HMOX1: variants seen among roughly 807,000 people sequenced by gnomAD.
The protein encoded by HMOX1 is heme oxygenase 1.
HMOX1 carries 22 observed loss-of-function variants against 27.8 expected under a neutral mutation model. The ratio of observed to expected loss-of-function variants is 0.79; its 90% CI spans 0.57 to 1.13. The LOEUF (loss-of-function observed/expected upper bound fraction) is 1.13. Among genes scored for constraint, HMOX1 ranks in the 50% most tolerant of loss-of-function variants. The probability of loss-of-function intolerance (pLI) is 0.00; values close to 1 mark genes in which losing one functional copy is unlikely to be tolerated. For synonymous variants in HMOX1, 153 were observed against 151.6 expected (o/e 1.01, Z -0.07); for missense variants, 379 against 377.7 (o/e 1.00, Z -0.03).
chr22:35,387,092 C>T lies in HMOX1; in HGVS notation c.552C>T (p.Ser184=), dbSNP rs78573711. 98 of 1,613,672 alleles carry T rather than the reference C, an allele frequency of 6.1e-5. No individual in the cohort carries two copies. The African/African-American group carries it at 1.2e-3, about 20-fold the overall frequency. Residue 184 remains serine, a synonymous_variant, in exon 3 of 5, where the codon TCC becomes TCT. Transcript: ENST00000216117. Reference sequence around the variant, plus strand: ...CCAAGTTCAAGCAGCTCTACCGCTCCCGCATGAACTCCCTGGAGATGACTC... The same window carrying T: ...CCAAGTTCAAGCAGCTCTACCGCTCTCGCATGAACTCCCTGGAGATGACTC... The part of the protein sequence containing the change: ...SATKFKQLYR[S]RMNSLEMTPA...
chr22:35,386,533 G>A, intron 2 of HMOX1, 152 bp from the exon 3 acceptor site: 2 of 937,576 alleles, frequency 2.1e-6, no homozygotes, highest in Non-Finnish European at 3.4e-6. Context: ...TCTGGCTGCT[G>A]TGTGAAGAGG....
chr22:35,384,845 T>C (rs1931468003), intron 2 of HMOX1, among the ~76,000 whole-genome samples: 1 of 150,134 alleles, frequency 6.7e-6, no homozygotes, highest in Admixed American at 6.7e-5. Flanking sequence ...TGCTCTAGGA[T>C]AGGATAGGAA....
At position 35,381,135 on chromosome 22, in the gene HMOX1, G is replaced by A. The variant is rs1057505890; in HGVS notation, c.-39G>A. The A allele has an allele frequency of 6.5e-7, 1 of 1,537,566 alleles. No homozygotes were observed. On this transcript the variant is annotated 5_prime_UTR_variant, in exon 1 of 5. Transcript: ENST00000216117. ...CTCGAGCGTCCTCAGCGCAGCCGCCGCCCGCGGAGCCAGCACGAACGAGCC... is the reference window on the plus strand; with the variant it reads ...CTCGAGCGTCCTCAGCGCAGCCGCCACCCGCGGAGCCAGCACGAACGAGCC...
intron 3 of HMOX1, among the ~76,000 whole-genome samples, chr22:35,389,395 C>CTTCCTTCCTTTCTTTCTTTCTTT (rs1555901605): frequency 1.9e-5 from 1 of 51,786 alleles, no homozygotes; most frequent in Non-Finnish European, 3.4e-5. Context: ...TTCCTTCCTT[C>CTTCCTTCCTTTCTTTCTTTCTTT]CTTTCTTTCT....
intron 4 of HMOX1, chr22:35,390,189 A>C: frequency 7.0e-6 from 4 of 569,628 alleles, no homozygotes; most frequent in Admixed American, 2.8e-5. Context: ...GCCTCCCCAC[A>C]TGCTGCAGTT....
At chr22:35,382,192 T>G (rs1569054702) in intron 1 of HMOX1, among the ~76,000 whole-genome samples, 1 of 152,140 alleles carries the variant, frequency 6.6e-6, no homozygotes, top group Non-Finnish European at 1.5e-5. Flanking sequence ...TACCTCCTCC[T>G]CCTCTCCACT....
Position 35,393,946 on chromosome 22 carries a change from A to G in HMOX1, c.*348A>G, listed in dbSNP as rs577322782. On this transcript the variant is annotated 3_prime_UTR_variant, in exon 5 of 5. Coordinates refer to ENST00000216117, the MANE Select transcript of HMOX1 (RefSeq NM_002133.3). ...TTCAAGTATCCTTGTTGACACGGCC[A>G]TGACCACTTTCCCCGTGGGCCATGG... The G allele has an allele frequency of 5.6e-6, 2 of 356,068 alleles. No homozygotes were observed. The highest frequency in any genetic ancestry group is 7.6e-5 in the Admixed American group (2 of 26,336). 22.1% of individuals were successfully genotyped at this position (356,068 alleles called of 1,614,324 possible).
intron 4 of HMOX1, among the ~76,000 whole-genome samples, chr22:35,392,848 C>T (rs1931755660): frequency 6.6e-6 from 1 of 151,848 alleles, no homozygotes; most frequent in Non-Finnish European, 1.5e-5. Context: ...TCCCGAGTAG[C>T]TGGGATTACT....
At chr22:35,389,825 C>A in intron 3 of HMOX1, 39 bp from the exon 4 acceptor site, 1 of 1,394,968 alleles carries the variant, frequency 7.2e-7, no homozygotes, top group Non-Finnish European at 1.0e-6. Flanking sequence ...CTGGTAGCAT[C>A]TCTCACTGAG....
chr22:35,381,319 G>C, intron 1 of HMOX1, 123 bp downstream of exon 1: 2 of 1,160,602 alleles, frequency 1.7e-6, no homozygotes, highest in Non-Finnish European at 2.5e-6. Flanking sequence ...CTTGGGCTCT[G>C]GAGTCAGGAG....
intron 2 of HMOX1, among the ~76,000 whole-genome samples, chr22:35,386,104 C>T (rs1236168279): frequency 5.3e-5 from 8 of 152,078 alleles, no homozygotes; most frequent in African/African-American, 1.4e-4. Context: ...TACAGGCGCC[C>T]GCCACCACGC....
At chr22:35,388,976 C>T (rs1233002481) in intron 3 of HMOX1, among the ~76,000 whole-genome samples, 3 of 152,102 alleles carry the variant, frequency 2.0e-5, no homozygotes, top group Non-Finnish European at 4.4e-5. Flanking sequence ...AAGAAAGCAG[C>T]GGCAGAAGAG....
At chr22:35,382,517 ATTTTTTT>A (rs58712001) in intron 1 of HMOX1, among the ~76,000 whole-genome samples, 1 of 119,472 alleles carries the variant, frequency 8.4e-6, no homozygotes, top group East Asian at 2.5e-4. Flanking sequence ...ATGCCCGGCT[ATTTTTTT>A]TTTTTTTTTT....
chr22:35,386,580 G>T, intron 2 of HMOX1, 105 bp from the exon 3 acceptor site: 1 of 1,420,178 alleles, frequency 7.0e-7, no homozygotes, highest in Non-Finnish European at 9.8e-7. Flanking sequence ...TCAGAGCCCA[G>T]CTGCGAAGTG....
intron 4 of HMOX1, among the ~76,000 whole-genome samples, chr22:35,390,748 T>C (rs5755719): frequency 0.28 from 42,883 of 152,024 alleles, 6,489 homozygotes; most frequent in East Asian, 0.46. Flanking sequence ...TAGACTCCTT[T>C]TTAGGCCTTT....
chr22:35,383,945 G>A lies in HMOX1; in HGVS notation c.144+719G>A, dbSNP rs571552384. Among the ~76,000 whole-genome samples, 4 of 152,196 alleles carry A rather than the reference G, an allele frequency of 2.6e-5. No homozygotes were observed. In the East Asian group the frequency reaches 5.8e-4, roughly 22 times the overall value. On this transcript the variant is annotated intron_variant, in intron 2 of 4. Transcript: ENST00000216117. ...AGATACTGGGTGTTAAAACATCAGC[G>A]TGGGGAAGAGCTTGTTCAGGTTGAA...
At chr22:35,393,382 A>G (rs1931771858) in intron 4 of HMOX1, 86 bp from the exon 5 acceptor site, 1 of 1,562,604 alleles carries the variant, frequency 6.4e-7, no homozygotes. Flanking sequence ...ACAGACCCTG[A>G]GGCCGCTCTG....
intron 4 of HMOX1, among the ~76,000 whole-genome samples, chr22:35,391,611 T>TTTTTTAAAGGG: frequency 7.2e-6 from 1 of 139,010 alleles, no homozygotes; most frequent in Admixed American, 7.2e-5. Context: ...TTTTTTTTTT[T>TTTTTTAAAGGG]GAGACAGGGT....
intron 2 of HMOX1, 49 bp from the exon 3 acceptor site, chr22:35,386,635 TG>T (rs1569055962): frequency 3.7e-6 from 6 of 1,612,162 alleles, no homozygotes. Context: ...CGGACAGAGG[TG>T]GGGGTCTTCT....
Sources: gnomAD v4.1 joint callset for allele counts (sites outside exome capture counted in the v4.1 genomes callset) on GRCh38, gnomAD v4.1.1 for gene constraint, MANE v1.5 for transcripts, NCBI Gene and HGNC (gene_info 2026-07-23, HGNC 2026-07-21) for gene names.